Variants in SPATA9 observed in about 807,000 individuals in gnomAD.
SPATA9 encodes spermatogenesis-associated protein 9.
Under a neutral mutation model 25.5 loss-of-function variants are expected in SPATA9, and 27 were observed. That is an observed-to-expected ratio of 1.06 (90% CI 0.78 to 1.46). The LOEUF (loss-of-function observed/expected upper bound fraction) is 1.46. Among genes scored for constraint, SPATA9 ranks in the 40% most tolerant of loss-of-function variants. The probability of loss-of-function intolerance (pLI) is 0.00; values close to 1 mark genes in which losing one functional copy is unlikely to be tolerated. For synonymous variants in SPATA9, 102 were observed against 105.7 expected (o/e 0.97, Z 0.21); for missense variants, 282 against 297.5 (o/e 0.95, Z 0.38).
At chr5:95,698,688 C>T (rs1754102133) in exon 1 of SPATA9, 1 of 152,190 alleles carries the variant, frequency 6.6e-6, no homozygotes, top group African/African-American at 2.4e-5. Context: ...AGTTCCCTCA[C>T]TCTTCCACTG....
intron 1 of SPATA9, among the ~76,000 whole-genome samples, chr5:95,688,179 A>G (rs1753795667): frequency 6.6e-6 from 1 of 152,190 alleles, no homozygotes; most frequent in African/African-American, 2.4e-5. Context: ...ATGAATGTGT[A>G]ATTGAATAAA....
upstream of SPATA9, among the ~76,000 whole-genome samples, chr5:95,700,449 G>A (rs776382472): frequency 6.6e-5 from 10 of 152,064 alleles, no homozygotes; most frequent in Non-Finnish European, 8.8e-5. Flanking sequence ...ACAGGCACGC[G>A]CCACCATGGC....
intron 1 of SPATA9, 79 bp from the exon 2 acceptor site, chr5:95,682,695 T>A (rs1753570092): frequency 6.6e-7 from 1 of 1,515,850 alleles, no homozygotes; most frequent in African/African-American, 1.4e-5. Flanking sequence ...AAACACTTGA[T>A]CAAATTCCTA....
At chr5:95,654,106 T>C (rs1750553838), downstream of SPATA9, 2 of 1,611,868 alleles carry the variant, frequency 1.2e-6, no homozygotes, top group Non-Finnish European at 1.7e-6. Context: ...AGAGGGAATA[T>C]TCTTCTGTGT....
the SPATA9 span, chr5:95,731,274 G>A: frequency 9.8e-7 from 1 of 1,015,440 alleles, no homozygotes; most frequent in Non-Finnish European, 1.2e-6. Context: ...CTGAGGGGGC[G>A]GAGGCCCCGA....
the SPATA9 span, among the ~76,000 whole-genome samples, chr5:95,709,494 C>T: frequency 0.012 from 1,855 of 152,216 alleles, 44 homozygotes; most frequent in African/African-American, 0.042. Context: ...ATTCTACCTG[C>T]CCAGAGCTCT....
At position 95,688,319 on chromosome 5, in the gene SPATA9, C is replaced by A. The variant is rs370593595; in HGVS notation, n.124+10269G>T. 7.9e-5 allele frequency among the ~76,000 whole-genome samples: 12 copies of A among 152,288 alleles called. No individual in the cohort carries two copies. The South Asian group carries it at 2.5e-3, about 32-fold the overall frequency. On this transcript the variant is annotated intron_variant and non_coding_transcript_variant, in intron 1 of 2. Transcript: ENST00000379990. ...AGGTGCAGTGGTGCAGTGGTGTGAT[C>A]AAAACTCACTGCAGCCCCAAACTCC... is the stretch of plus-strand genomic sequence containing the variant.
the SPATA9 span, among the ~76,000 whole-genome samples, chr5:95,715,041 T>C: frequency 6.6e-6 from 1 of 152,142 alleles, no homozygotes; most frequent in Non-Finnish European, 1.5e-5. Context: ...TATGTAAGAT[T>C]GTGGCCGGGT....
chr5:95,704,026 A>G, the SPATA9 span, among the ~76,000 whole-genome samples: 1 of 152,144 alleles, frequency 6.6e-6, no homozygotes, highest in African/African-American at 2.4e-5. Context: ...CAGATACACA[A>G]ATAGAAGACT....
chr5:95,701,929 C>T (rs1299744046), upstream of SPATA9, among the ~76,000 whole-genome samples: 2 of 152,116 alleles, frequency 1.3e-5, no homozygotes, highest in East Asian at 1.9e-4. Flanking sequence ...ACAGTAACAA[C>T]AATAGCGGAT....
chr5:95,681,937 G>A (rs1408616063), intron 2 of SPATA9, among the ~76,000 whole-genome samples: 1 of 152,100 alleles, frequency 6.6e-6, no homozygotes, highest in Non-Finnish European at 1.5e-5. Context: ...GTGTGCCTTT[G>A]AGTAAATTAG....
At chr5:95,686,535 T>C (rs767224262), upstream of SPATA9, among the ~76,000 whole-genome samples, 4 of 152,204 alleles carry the variant, frequency 2.6e-5, no homozygotes, top group Non-Finnish European at 5.9e-5. Context: ...AAAGTATGAT[T>C]GTGTATCACC....
intron 3 of SPATA9, chr5:95,670,401 CTATT>C (rs1037088322): frequency 3.3e-5 from 5 of 152,184 alleles, no homozygotes; most frequent in African/African-American, 1.2e-4. Context: ...TTTGGTAGAG[CTATT>C]TAAGGTGCTC....
chr5:95,700,994 T>G (rs1402619483), upstream of SPATA9, among the ~76,000 whole-genome samples: 2 of 152,236 alleles, frequency 1.3e-5, no homozygotes, highest in Non-Finnish European at 2.9e-5. Flanking sequence ...TTTTGTAGTT[T>G]ACTGATACTC....
At chr5:95,696,290 TTTAAAACTAACAATAACATTTTC>T (rs1754019581) in intron 1 of SPATA9, among the ~76,000 whole-genome samples, 1 of 102,626 alleles carries the variant, frequency 9.7e-6, no homozygotes, top group African/African-American at 3.7e-5. Flanking sequence ...ATACAATTCA[TTTAAAACTAACAATAACATTTTC>T]TATGAAAAAT....
the SPATA9 span, among the ~76,000 whole-genome samples, chr5:95,704,953 T>C: frequency 1.3e-5 from 2 of 151,648 alleles, no homozygotes; most frequent in South Asian, 2.1e-4. Context: ...GAGTACTTTT[T>C]TTTTTTTTTG....
At chr5:95,652,503 C>A, downstream of SPATA9, 2 of 808,778 alleles carry the variant, frequency 2.5e-6, no homozygotes, top group Non-Finnish European at 3.5e-6. Flanking sequence ...TTCCATTCTG[C>A]AAAAATACCA....
downstream of SPATA9, chr5:95,655,882 C>A: frequency 1.6e-6 from 1 of 607,054 alleles, no homozygotes; most frequent in South Asian, 2.4e-5. Context: ...CTTGATGACT[C>A]TTCTCAGATT....
chr5:95,701,818 T>C (rs1754184490), upstream of SPATA9, among the ~76,000 whole-genome samples: 1 of 152,232 alleles, frequency 6.6e-6, no homozygotes, highest in Admixed American at 6.5e-5. Flanking sequence ...GTACAACAGT[T>C]ACATTTGAGA....
Sources: allele counts gnomAD v4.1 joint callset (sites outside exome capture counted in the v4.1 genomes callset), GRCh38; gene constraint gnomAD v4.1.1; transcripts MANE v1.5; gene names NCBI Gene and HGNC (gene_info 2026-07-23, HGNC 2026-07-21).